LACTB2: variants seen among roughly 807,000 people sequenced by gnomAD.
LACTB2 encodes the protein endoribonuclease LACTB2.
LACTB2 carries 32 observed loss-of-function variants against 34.8 expected under a neutral mutation model. That is an observed-to-expected ratio of 0.92 (90% confidence interval 0.69 to 1.24). LACTB2 has a LOEUF of 1.24. Ranked by LOEUF, LACTB2 falls within the 50% of genes most tolerant of loss-of-function variation. The probability of loss-of-function intolerance (pLI) is 0.00; values close to 1 mark genes in which losing one functional copy is unlikely to be tolerated. For missense variants in LACTB2, 320 were observed against 345.0 expected (o/e 0.93, Z 0.57); for synonymous variants, 120 against 117.5 (o/e 1.02, Z -0.14).
chr8:70,641,040 T>A lies in LACTB2; in HGVS notation c.603A>T (p.Pro201=). 1 of 1,601,614 alleles carries A rather than the reference T, an allele frequency of 6.2e-7. No individual in the cohort carries two copies. Among genetic ancestry groups the A allele is most frequent in the Non-Finnish European group, 8.5e-7 (1 of 1,176,364 alleles). ...TTTTAGCTTCAGCATTATGAATTAC[T>A]GGGCCATGTCCTGAATTAAAATAAT... ...KADIIYPGHG[P]VIHNAEAKIQ... The change falls in exon 5 of 7, where the codon CCA becomes CCT. Residue 201 remains proline (P), a synonymous_variant. Coordinates refer to ENST00000276590, the MANE Select transcript of LACTB2 (RefSeq NM_016027.3).
intron 2 of LACTB2, 79 bp from the exon 3 acceptor site, chr8:70,657,961 A>C: frequency 2.2e-6 from 2 of 891,008 alleles, no homozygotes; most frequent in Non-Finnish European, 3.3e-6. Context: ...CATAGAGCTA[A>C]CACTTGTGAA....
At chr8:70,638,136 A>G (rs540700371) in intron 6 of LACTB2, among the ~76,000 whole-genome samples, 6 of 152,236 alleles carry the variant, frequency 3.9e-5, no homozygotes, top group African/African-American at 1.4e-4. Flanking sequence ...TTAGTTTGAC[A>G]AACTAACACT....
intron 1 of LACTB2, among the ~76,000 whole-genome samples, chr8:70,665,014 C>T (rs1303818019): frequency 6.6e-6 from 1 of 152,134 alleles, no homozygotes; most frequent in African/African-American, 2.4e-5. Context: ...AAAAATAAAA[C>T]TTCAGCTATA....
Position 70,657,802 on chromosome 8 carries a change from A to G in LACTB2, c.367T>C (p.Tyr123His), listed in dbSNP as rs1818430440. ...IIGNGEQQYV[Y>H]LKDGDVIKTE... ...TTAATCACATCTCCATCTTTCAGATAAACATATTGTTGCTCTCCATTTCCT... is the reference window on the plus strand; with the variant it reads ...TTAATCACATCTCCATCTTTCAGATGAACATATTGTTGCTCTCCATTTCCT... The change falls in exon 3 of 7, where the codon TAT becomes CAT. Residue 123 changes from tyrosine to histidine, a missense_variant. Coordinates refer to ENST00000276590, the MANE Select transcript of LACTB2 (RefSeq NM_016027.3). The G allele has an allele frequency of 1.2e-6, 2 of 1,612,980 alleles. No individual in the cohort carries two copies. The highest frequency in any genetic ancestry group is 2.7e-5 in the African/African-American group (2 of 74,908).
chr8:70,653,204 A>T (rs1236953057), intron 3 of LACTB2, among the ~76,000 whole-genome samples: 2 of 152,116 alleles, frequency 1.3e-5, no homozygotes, highest in Non-Finnish European at 2.9e-5. Flanking sequence ...CTGCCCTCAC[A>T]GGCTCAAACA....
rs181872344 is a variant in LACTB2, at chr8:70,659,672, A to C, written c.287-1790T>G. On this transcript the variant is annotated intron_variant, in intron 2 of 6. Coordinates refer to ENST00000276590, the MANE Select transcript of LACTB2 (RefSeq NM_016027.3). ...CTTTCAGTAAAGAAATGGAGGCATTACATTTCTGCTTATGAGACCTTTAGT... is the reference window on the plus strand; with the variant it reads ...CTTTCAGTAAAGAAATGGAGGCATTCCATTTCTGCTTATGAGACCTTTAGT... Among the ~76,000 whole-genome samples the C allele has an allele frequency of 4.3e-3, 658 of 152,390 alleles. 4 individuals carry two copies. Among genetic ancestry groups the C allele is most frequent in the South Asian group, 0.016 (75 of 4,834 alleles).
At chr8:70,661,927 A>C in intron 1 of LACTB2, 30 bp from the exon 2 acceptor site, 1 of 1,564,732 alleles carries the variant, frequency 6.4e-7, no homozygotes, top group Non-Finnish European at 8.7e-7. Flanking sequence ...TAATCACACA[A>C]TTGGAACACT....
Position 70,649,312 on chromosome 8 carries a change from G to A in LACTB2, c.414-5069C>T, listed in dbSNP as rs554166596. Among the ~76,000 whole-genome samples, 7 of 152,266 alleles carry A rather than the reference G, an allele frequency of 4.6e-5. No homozygotes were observed. In the South Asian group the frequency reaches 1.4e-3, roughly 32 times the overall value. On this transcript the variant is annotated intron_variant, in intron 3 of 6. Transcript: ENST00000276590. ...GGCCCGGAGGAAAACAAGCCGACAG[G>A]AGCAAGTTATTAGCTGGAAGGCTTA...
At chr8:70,643,664 G>A (rs192276433) in intron 4 of LACTB2, among the ~76,000 whole-genome samples, 129 of 151,764 alleles carry the variant, frequency 8.5e-4, no homozygotes, top group African/African-American at 2.6e-3. Context: ...ACAAGTGTGC[G>A]CCACCACACT....
At chr8:70,642,504 C>CTT (rs35951740) in intron 4 of LACTB2, among the ~76,000 whole-genome samples, 18,305 of 130,150 alleles carry the variant, frequency 0.14, 1,930 homozygotes, top group African/African-American at 0.28. Context: ...TCTTTCTTAG[C>CTT]TTTTTTTTTT....
At chr8:70,638,460 G>T in intron 6 of LACTB2, 88 bp downstream of exon 6, 2 of 1,334,484 alleles carry the variant, frequency 1.5e-6, no homozygotes, top group Admixed American at 3.2e-5. Context: ...GAACTCTGAT[G>T]GGTATTATTT....
chr8:70,657,836 T>C lies in LACTB2; in HGVS notation c.333A>G (p.Glu111=). 4.3e-6 allele frequency: 7 copies of C among 1,610,992 alleles called. No homozygotes were observed. The highest frequency in any genetic ancestry group is 5.9e-6 in the Non-Finnish European group (7 of 1,177,244). Residue 111 remains glutamate, a synonymous_variant, in exon 3 of 7, where the codon GAA becomes GAG. Coordinates refer to ENST00000276590, the MANE Select transcript of LACTB2 (RefSeq NM_016027.3). ...IKKLPRNPQR[E]EIIGNGEQQY... ...GTTGCTCTCCATTTCCTATAATTTC[T>C]TCTCTCTGAGGATTCCGTGGGAGTT...
chr8:70,669,097 GACGCGC>G lies in LACTB2; in HGVS notation c.18_23del (p.Gln6_Val8delinsHis). 1.9e-6 allele frequency: 3 copies of G among 1,611,240 alleles called. No individual in the cohort carries two copies. Among genetic ancestry groups the G allele is most frequent in the Non-Finnish European group, 2.5e-6 (3 of 1,179,076 alleles). The stretch of plus-strand genomic sequence containing the variant: ...GCACGACTCGATTGGACAGCCGCTC[GACGCGC>G]TGCAGTACAGCAGCCATTCCCGCCT... On this transcript the variant is annotated inframe_deletion, in exon 1 of 7. Coordinates refer to ENST00000276590, the MANE Select transcript of LACTB2 (RefSeq NM_016027.3).
chr8:70,652,078 C>T (rs545783330), intron 3 of LACTB2, among the ~76,000 whole-genome samples: 1 of 152,154 alleles, frequency 6.6e-6, no homozygotes, highest in East Asian at 1.9e-4. Flanking sequence ...TAGTTTTCTA[C>T]TTTTTACTGC....
chr8:70,645,408 T>C (rs1818251136), intron 3 of LACTB2, among the ~76,000 whole-genome samples: 1 of 152,220 alleles, frequency 6.6e-6, no homozygotes, highest in African/African-American at 2.4e-5. Context: ...GCATGCTTAA[T>C]AAATGGTAAA....
At chr8:70,643,955 G>C in intron 4 of LACTB2, 110 bp downstream of exon 4, 1 of 1,147,852 alleles carries the variant, frequency 8.7e-7, no homozygotes. Context: ...GGGAGGTTGA[G>C]GTGGGAGGAC....
intron 5 of LACTB2, 117 bp from the exon 6 acceptor site, chr8:70,638,746 T>A: frequency 1.7e-6 from 1 of 590,724 alleles, no homozygotes; most frequent in Non-Finnish European, 2.3e-6. Context: ...TTAAACACAT[T>A]TTTTTTTTTT....
intron 3 of LACTB2, among the ~76,000 whole-genome samples, chr8:70,647,235 C>A (rs1818274023): frequency 6.6e-6 from 1 of 151,580 alleles, no homozygotes; most frequent in Admixed American, 6.6e-5. Context: ...ATATATATAT[C>A]TCTATCTATC....
At chr8:70,650,735 CAAAAAAAAAAAAAAAAAAAA>C (rs61025700) in intron 3 of LACTB2, among the ~76,000 whole-genome samples, 1 of 46,206 alleles carries the variant, frequency 2.2e-5, no homozygotes, top group Non-Finnish European at 3.7e-5. Flanking sequence ...GACTCCATCT[CAAAAAAAAAAAAAAAAAAAA>C]AAAGAAAAAA....
Sources: gnomAD v4.1 joint callset for allele counts (sites outside exome capture counted in the v4.1 genomes callset) on GRCh38, gnomAD v4.1.1 for gene constraint, MANE v1.5 for transcripts, NCBI Gene and HGNC (gene_info 2026-07-23, HGNC 2026-07-21) for gene names.